CHRDL1: variants seen among roughly 807,000 people sequenced by gnomAD.
CHRDL1 encodes the protein chordin-like protein 1.
Under a neutral mutation model 40.9 loss-of-function variants are expected in CHRDL1, and 19 were observed. That is an observed-to-expected ratio of 0.46 (90% confidence interval 0.32 to 0.68). The LOEUF is 0.68. CHRDL1 is among the 30% of genes least tolerant of loss of function. The probability of loss-of-function intolerance (pLI) is 0.03; values close to 1 mark genes in which losing one functional copy is unlikely to be tolerated. For missense variants in CHRDL1, 329 were observed against 352.1 expected, an observed-to-expected ratio of 0.93 and a Z score of 0.53; for synonymous variants, 136 against 123.4, an observed-to-expected ratio of 1.10 and a Z score of -0.68.
chrX:110,689,768 T>C (rs1158932380), intron 8 of CHRDL1, among the ~76,000 whole-genome samples: 4 of 71,527 alleles, frequency 5.6e-5, no homozygotes, highest in Non-Finnish European at 9.3e-5. Flanking sequence ...TATATCTATA[T>C]ATATCTATAT....
chrX:110,681,896 G>A (rs768388091), intron 9 of CHRDL1, among the ~76,000 whole-genome samples: 98 of 112,300 alleles, frequency 8.7e-4, no homozygotes, highest in African/African-American at 3.0e-3. Flanking sequence ...AAGTCCATGT[G>A]TTGACAGAAT....
intron 8 of CHRDL1, among the ~76,000 whole-genome samples, chrX:110,689,556 A>C (rs1412919848): frequency 1.9e-4 from 5 of 26,992 alleles, no homozygotes; most frequent in East Asian, 6.5e-4. Flanking sequence ...CTATATATCT[A>C]TATATCTATA....
chrX:110,681,071 T>C (rs1217336857), intron 10 of CHRDL1, among the ~76,000 whole-genome samples: 3 of 112,079 alleles, frequency 2.7e-5, no homozygotes, highest in Non-Finnish European at 5.6e-5. Context: ...TGGCTACATA[T>C]TACAATCACC....
intron 4 of CHRDL1, among the ~76,000 whole-genome samples, chrX:110,756,928 A>C (rs2089464272): frequency 8.9e-6 from 1 of 112,027 alleles, no homozygotes; most frequent in African/African-American, 3.2e-5. Context: ...CAAAACAATA[A>C]CAGGTTATAA....
chrX:110,740,898 T>C (rs745620288), intron 4 of CHRDL1, among the ~76,000 whole-genome samples: 1 of 112,434 alleles, frequency 8.9e-6, no homozygotes, highest in Non-Finnish European at 1.9e-5. Flanking sequence ...TTCATGCCCA[T>C]TTATTTACAT....
intron 6 of CHRDL1, among the ~76,000 whole-genome samples, chrX:110,709,776 G>A (rs896119771): frequency 9.0e-6 from 1 of 111,561 alleles, no homozygotes; most frequent in Non-Finnish European, 1.9e-5. Context: ...AGGCTGAGGC[G>A]GGTAGATCAT....
At position 110,674,460 on chromosome X, in the gene CHRDL1, C is replaced by CATACACACACAT. The variant is rs200106486; in HGVS notation, c.*1770_*1771insATGTGTGTGTAT. Reference sequence around the variant, plus strand: ...GCATAACACCTTCCCCCCTTTACCACACACACACACACACACACACACACA... The same window carrying CATACACACACAT: ...GCATAACACCTTCCCCCCTTTACCACATACACACACATACACACACACACACACACACACACA... On this transcript the variant is annotated 3_prime_UTR_variant, in exon 12 of 12. Coordinates refer to ENST00000372042, the MANE Select transcript of CHRDL1 (RefSeq NM_001143981.2). 5.6e-5 allele frequency: 3 copies of CATACACACACAT among 53,763 alleles called. No individual in the cohort carries two copies. Among genetic ancestry groups the CATACACACACAT allele is most frequent in the Non-Finnish European group, 8.2e-5 (2 of 24,478 alleles). 4.4% of individuals were successfully genotyped at this position (53,763 alleles called of 1,213,427 possible).
intron 2 of CHRDL1, among the ~76,000 whole-genome samples, chrX:110,764,371 C>T (rs747238622): frequency 8.9e-6 from 1 of 112,299 alleles, no homozygotes; most frequent in African/African-American, 3.2e-5. Flanking sequence ...CTGGCTGGAG[C>T]CGTGGCAGAG....
chrX:110,720,037 C>T (rs2070919829), intron 5 of CHRDL1, 109 bp from the exon 6 acceptor site: 1 of 430,901 alleles, frequency 2.3e-6, no homozygotes, highest in Non-Finnish European at 4.1e-6. Context: ...GTCCTTCCCC[C>T]CAGCTCTCCC....
chrX:110,736,690 G>A (rs1465636706), intron 4 of CHRDL1, among the ~76,000 whole-genome samples: 1 of 111,623 alleles, frequency 9.0e-6, no homozygotes, highest in Non-Finnish European at 1.9e-5. Flanking sequence ...CACTGCACAT[G>A]ATGAAAGATG....
chrX:110,744,458 G>C (rs1413629584), intron 4 of CHRDL1, among the ~76,000 whole-genome samples: 1 of 111,082 alleles, frequency 9.0e-6, no homozygotes, highest in Non-Finnish European at 1.9e-5. Context: ...TAGTGCTGTG[G>C]TTCTTCTATT....
In CHRDL1 at chrX:110,692,243, TG is replaced by T. The variant is rs766221150; in HGVS notation, c.778+1919del. Among the ~76,000 whole-genome samples, 11 of 111,721 alleles carry T rather than the reference TG, an allele frequency of 9.8e-5. No homozygotes were observed. In the East Asian group the frequency reaches 3.1e-3, roughly 31 times the overall value. ...GACTGGATGAGACTCTGCAGTGGAATGGGGTGAAGTTAATTCTGGACAGGGA... is the reference window on the plus strand; with the variant it reads ...GACTGGATGAGACTCTGCAGTGGAATGGGTGAAGTTAATTCTGGACAGGGA... On this transcript the variant is annotated intron_variant, in intron 8 of 11. Coordinates refer to ENST00000372042, the MANE Select transcript of CHRDL1 (RefSeq NM_001143981.2).
intron 2 of CHRDL1, among the ~76,000 whole-genome samples, chrX:110,783,802 C>T (rs1435031318): frequency 2.7e-5 from 3 of 111,960 alleles, no homozygotes; most frequent in East Asian, 5.6e-4. Flanking sequence ...ACAACAGATA[C>T]GTGTCACTAT....
At chrX:110,718,041 A>G (rs911630796) in intron 6 of CHRDL1, among the ~76,000 whole-genome samples, 1 of 112,261 alleles carries the variant, frequency 8.9e-6, no homozygotes, top group African/African-American at 3.2e-5. Context: ...TATACAAGAC[A>G]CTGTGCCAGG....
chrX:110,676,782 T>C (rs990157916), intron 11 of CHRDL1, among the ~76,000 whole-genome samples: 1 of 111,510 alleles, frequency 9.0e-6, no homozygotes, highest in African/African-American at 3.3e-5. Context: ...GGGGCTTTGC[T>C]TACCCTTAGG....
In CHRDL1 at chrX:110,731,367, T is replaced by C. The variant is rs183099525; in HGVS notation, c.302-9837A>G. ...GTAGGTGGAGAAATTGGAACCCTTATACAGTGCTGGTGAGAATGTAAAAAA... is the reference window on the plus strand; with the variant it reads ...GTAGGTGGAGAAATTGGAACCCTTACACAGTGCTGGTGAGAATGTAAAAAA... On this transcript the variant is annotated intron_variant, in intron 4 of 11. Coordinates refer to ENST00000372042, the MANE Select transcript of CHRDL1 (RefSeq NM_001143981.2). 3.6e-5 allele frequency among the ~76,000 whole-genome samples: 4 copies of C among 111,369 alleles called. No individual in the cohort carries two copies. In the East Asian group the frequency reaches 1.1e-3, roughly 31 times the overall value.
At chrX:110,702,906 A>G (rs967208796) in intron 6 of CHRDL1, among the ~76,000 whole-genome samples, 1 of 112,317 alleles carries the variant, frequency 8.9e-6, no homozygotes, top group African/African-American at 3.2e-5. Flanking sequence ...TGCTGGGCAC[A>G]TAGTACTTAT....
intron 3 of CHRDL1, 133 bp from the exon 4 acceptor site, chrX:110,759,887 C>A: frequency 2.0e-6 from 1 of 488,601 alleles, no homozygotes; most frequent in South Asian, 3.1e-5. Flanking sequence ...TGAATGCATT[C>A]AACATTTTCT....
intron 1 of CHRDL1, among the ~76,000 whole-genome samples, chrX:110,792,880 T>C (rs769896808): frequency 1.2e-3 from 136 of 112,415 alleles, no homozygotes; most frequent in African/African-American, 4.3e-3. Flanking sequence ...AATGGGCCAT[T>C]TTTAGGGGAA....
Sources: gnomAD v4.1 joint callset for allele counts (sites outside exome capture counted in the v4.1 genomes callset) on GRCh38, gnomAD v4.1.1 for gene constraint, MANE v1.5 for transcripts, NCBI Gene and HGNC (gene_info 2026-07-23, HGNC 2026-07-21) for gene names.